The following IL9R variants were observed in gnomAD, a reference collection of about 807,000 sequenced individuals.
IL9R encodes interleukin 9 receptor, also known as interleukin-9 receptor.
IL9R carries 54 observed loss-of-function variants against 56.3 expected under a neutral mutation model. The ratio of observed to expected loss-of-function variants is 0.96; its 90% CI spans 0.77 to 1.20. The LOEUF (loss-of-function observed/expected upper bound fraction) is 1.20. IL9R is among the 50% of genes most tolerant of loss of function. The pLI is 0.00. For synonymous variants in IL9R, 212 were observed against 250.2 expected (o/e 0.85, Z 1.44); for missense variants, 545 against 629.8 (o/e 0.87, Z 1.44).
intron 4 of IL9R, 24 bp downstream of exon 4, chrX:156,003,879 G>T: frequency 1.9e-6 from 3 of 1,612,718 alleles, no homozygotes; most frequent in Non-Finnish European, 2.5e-6. Context: ...ATAGGTCTGG[G>T]GCGGGGCCGC....
Position 156,004,565 on chromosome X carries a change from G to A in IL9R, c.579G>A (p.Glu193=), listed in dbSNP as rs767109432. 4 of 1,612,226 alleles carry A rather than the reference G, an allele frequency of 2.5e-6. No homozygotes were observed. The African/African-American group carries it at 4.0e-5, about 16-fold the overall frequency. The change falls in exon 5 of 9, where the codon GAG becomes GAA. Residue 193 remains glutamate (E), a splice_region_variant and synonymous_variant. Transcript: ENST00000244174. The part of the protein sequence containing the change: ...LAFKKQEEAW[E]QAQHRDHIVG... ...TCAAGAAGCAGGAAGAGGCCTGGGA[G>A]GTAACACTTTGGCTGGCTTTCCCTG... is the stretch of plus-strand genomic sequence containing the variant.
At chrX:156,007,392 G>A in intron 7 of IL9R, 131 bp from the exon 8 acceptor site, 1 of 699,480 alleles carries the variant, frequency 1.4e-6, no homozygotes, top group Non-Finnish European at 2.6e-6. Flanking sequence ...GGAATGTGAT[G>A]AGATGGGAGA....
intron 8 of IL9R, among the ~76,000 whole-genome samples, chrX:156,009,488 G>GAA (rs2068340948): frequency 6.7e-6 from 1 of 148,910 alleles, no homozygotes; most frequent in Non-Finnish European, 1.5e-5. Flanking sequence ...GAAAGGCCCT[G>GAA]AGGCACATGC....
In IL9R at chrX:155,999,170, A is replaced by C. The variant is rs748970048; in HGVS notation, c.28+1383A>C. On this transcript the variant is annotated intron_variant, in intron 1 of 8. Transcript: ENST00000244174. Reference sequence around the variant, plus strand: ...GGGGAGGGAAGATGGCAGAGGGGACAGTGGGAAGCAGAGCAGCAGGGGTCT... The same window carrying C: ...GGGGAGGGAAGATGGCAGAGGGGACCGTGGGAAGCAGAGCAGCAGGGGTCT... Among the ~76,000 whole-genome samples, 11 of 152,146 alleles carry C rather than the reference A, an allele frequency of 7.2e-5. No individual in the cohort carries two copies. In the South Asian group the frequency reaches 2.1e-3, roughly 29 times the overall value.
chrX:156,002,311 C>G (rs1211973671), intron 1 of IL9R, among the ~76,000 whole-genome samples: 1 of 152,118 alleles, frequency 6.6e-6, no homozygotes, highest in African/African-American at 2.4e-5. Flanking sequence ...GATCACACCA[C>G]TGCACTCTAG....
At chrX:156,009,241 G>GT (rs1377556588) in intron 8 of IL9R, among the ~76,000 whole-genome samples, 495 of 25,702 alleles carry the variant, frequency 0.019, no homozygotes, top group Middle Eastern at 0.12. Context: ...GTGTTCGTGT[G>GT]GTGTGTGTGT....
At chrX:156,002,417 G>A (rs2067595496) in intron 1 of IL9R, among the ~76,000 whole-genome samples, 1 of 152,214 alleles carries the variant, frequency 6.6e-6, no homozygotes, top group Non-Finnish European at 1.5e-5. Flanking sequence ...TTGGGACTCA[G>A]TTCCTTGCCT....
At chrX:156,000,831 T>C (rs1973881) in intron 1 of IL9R, among the ~76,000 whole-genome samples, 31,745 of 152,042 alleles carry the variant, frequency 0.21, 3,709 homozygotes, top group South Asian at 0.27. Context: ...TCGCAGGCAC[T>C]GCCCTCGGGA....
In IL9R at chrX:156,000,060, C is replaced by T. The variant is rs1191353690; in HGVS notation, c.28+2273C>T. 1.1e-4 allele frequency among the ~76,000 whole-genome samples: 17 copies of T among 151,514 alleles called. No homozygotes were observed. In the East Asian group the frequency reaches 1.9e-3, roughly 17 times the overall value. On this transcript the variant is annotated intron_variant, in intron 1 of 8. Transcript: ENST00000244174. ...CTGAAGCAGGAGGATCACTTGAACT[C>T]GGGAGGCAGAGGTTGCAGTGAGCCG...
intron 1 of IL9R, 39 bp from the exon 2 acceptor site, chrX:156,002,867 G>A (rs755610707): frequency 1.9e-6 from 3 of 1,612,976 alleles, no homozygotes; most frequent in Non-Finnish European, 2.5e-6. Context: ...CTCCAGAGAG[G>A]GATGATTTGC....
At position 156,005,368 on chromosome X, in the gene IL9R, C is replaced by A; in HGVS notation, c.670C>A (p.Leu224Met). 1 of 1,612,818 alleles carries A rather than the reference C, an allele frequency of 6.2e-7. No homozygotes were observed. The highest frequency in any genetic ancestry group is 8.5e-7 in the Non-Finnish European group (1 of 1,179,726). The change falls in exon 6 of 9, where the codon CTG becomes ATG. Residue 224 changes from leucine (L) to methionine (M), a missense_variant. By Grantham distance (15) the Leu-to-Met change is conservative. Transcript: ENST00000244174. Reference sequence around the variant, plus strand: ...CCCTGGCTTTATCCATGAGGCCAGGCTGCGTGTCCAGATGGCCACACTGGA... The same window carrying A: ...CCCTGGCTTTATCCATGAGGCCAGGATGCGTGTCCAGATGGCCACACTGGA... ...LDPGFIHEARLRVQMATLEDD... is the reference protein window; with the variant it reads ...LDPGFIHEARMRVQMATLEDD...
At chrX:156,008,259 C>T (rs1369593983) in intron 8 of IL9R, among the ~76,000 whole-genome samples, 2 of 150,750 alleles carry the variant, frequency 1.3e-5, no homozygotes, top group Non-Finnish European at 2.9e-5. Context: ...CCTCAGACTC[C>T]TCACTTTGGG....
At chrX:155,998,597 T>C (rs2067298736) in intron 1 of IL9R, among the ~76,000 whole-genome samples, 1 of 151,402 alleles carries the variant, frequency 6.6e-6, no homozygotes, top group Non-Finnish European at 1.5e-5. Context: ...TGAGACAGAG[T>C]TTGAGACAGT....
chrX:156,002,358 A>T (rs1017090242), intron 1 of IL9R, among the ~76,000 whole-genome samples: 3 of 151,874 alleles, frequency 2.0e-5, no homozygotes, highest in African/African-American at 4.8e-5. Context: ...AAAAAAAAAA[A>T]TTTGCTTAGA....
chrX:156,006,476 G>A (rs368985462), intron 7 of IL9R, among the ~76,000 whole-genome samples: 5 of 150,158 alleles, frequency 3.3e-5, no homozygotes, highest in East Asian at 4.0e-4. Flanking sequence ...GCTTGGTCCC[G>A]ACCAGACCCA....
chrX:156,001,769 G>A (rs917083248), intron 1 of IL9R, among the ~76,000 whole-genome samples: 49 of 152,244 alleles, frequency 3.2e-4, no homozygotes, highest in East Asian at 5.8e-4. Context: ...GTGATAGGGC[G>A]TCAGCGGCCT....
chrX:156,004,057 AG>A (rs1426768578), intron 4 of IL9R, among the ~76,000 whole-genome samples: 2 of 152,166 alleles, frequency 1.3e-5, no homozygotes, highest in Non-Finnish European at 2.9e-5. Context: ...GGGTTTTGGC[AG>A]GAAATAAACA....
chrX:156,011,651 G>A (rs1260821435), downstream of IL9R, among the ~76,000 whole-genome samples: 5 of 94,502 alleles, frequency 5.3e-5, 1 homozygote, highest in African/African-American at 1.4e-4. Context: ...CCTGGGTGAG[G>A]ACTTTAGTAT....
At chrX:156,002,573 G>T (rs1479060622) in intron 1 of IL9R, among the ~76,000 whole-genome samples, 3 of 152,226 alleles carry the variant, frequency 2.0e-5, no homozygotes, top group Non-Finnish European at 4.4e-5. Context: ...TGGGGGATGG[G>T]CTGGCAGAGG....
Sources: gnomAD v4.1 joint callset for allele counts (sites outside exome capture counted in the v4.1 genomes callset) on GRCh38, gnomAD v4.1.1 for gene constraint, MANE v1.5 for transcripts, NCBI Gene and HGNC (gene_info 2026-07-23, HGNC 2026-07-21) for gene names.